The following RGL3 variants were observed in gnomAD, a reference collection of about 807,000 sequenced individuals.
RGL3 encodes the protein ral guanine nucleotide dissociation stimulator-like 3.
RGL3 carries 85 observed loss-of-function variants against 90.6 expected under a neutral mutation model. The observed-to-expected ratio is 0.94, with a 90% CI of 0.79 to 1.12. The LOEUF (loss-of-function observed/expected upper bound fraction) is 1.12, where lower values mean the gene tolerates loss of function less well. Among genes scored for constraint, RGL3 ranks in the 50% most tolerant of loss-of-function variants. RGL3 has a pLI of 0.00. For synonymous variants in RGL3, 408 were observed against 385.5 expected (o/e 1.06, Z -0.68); for missense variants, 1,034 against 939.2 (o/e 1.10, Z -1.32).
At chr19:11,417,106 C>T (rs975657424) in intron 2 of RGL3, 47 bp from the exon 3 acceptor site, 3 of 1,368,166 alleles carry the variant, frequency 2.2e-6, no homozygotes, top group Non-Finnish European at 3.0e-6. Context: ...GTGGTCCTCA[C>T]AGCACCCCTT....
chr19:11,406,985 CTT>C (rs1968795813), intron 5 of RGL3, 121 bp from the exon 6 acceptor site: 1 of 1,019,524 alleles, frequency 9.8e-7, no homozygotes, highest in South Asian at 1.7e-5. Flanking sequence ...GGAGAGCTCT[CTT>C]AAATTTTTTT....
intron 2 of RGL3, among the ~76,000 whole-genome samples, chr19:11,417,836 T>A (rs1969030910): frequency 1.3e-5 from 2 of 151,966 alleles, no homozygotes; most frequent in African/African-American, 2.4e-5. Flanking sequence ...TTTGGTTTGT[T>A]TTTTTTAGAA....
In RGL3 at chr19:11,418,735, CTG is replaced by C. The variant is rs755740236; in HGVS notation, c.81_82del (p.Tyr27Ter). ...ACTGCGCTGCCGCCGCAGGGAGACA[CTG>C]TACACCGCGCCGTCCTCGGTCTCTT... On this transcript the variant is annotated stop_gained and frameshift_variant, in exon 2 of 19. Transcript: ENST00000380456. LOFTEE classifies it high-confidence loss of function. 4.4e-6 allele frequency: 7 copies of C among 1,577,830 alleles called. No homozygotes were observed. In the East Asian group the frequency reaches 1.6e-4, roughly 36 times the overall value.
chr19:11,414,446 C>CAT (rs578086951), intron 5 of RGL3, among the ~76,000 whole-genome samples: 4,598 of 46,842 alleles, frequency 0.098, 251 homozygotes, highest in East Asian at 0.31. Context: ...CATATATATA[C>CAT]ATATATATAT....
At chr19:11,412,891 A>G (rs1028968994) in intron 5 of RGL3, among the ~76,000 whole-genome samples, 6 of 152,080 alleles carry the variant, frequency 3.9e-5, no homozygotes. Context: ...ACTTGAACCC[A>G]GGAGGTGGAG....
intron 16 of RGL3, 48 bp downstream of exon 16, chr19:11,399,807 A>G (rs749538460): frequency 9.4e-7 from 1 of 1,059,364 alleles, no homozygotes; most frequent in Non-Finnish European, 1.4e-6. Flanking sequence ...ACACACACAG[A>G]GCCTGGGTGC....
intron 7 of RGL3, among the ~76,000 whole-genome samples, chr19:11,405,966 G>A (rs544179388): frequency 6.6e-6 from 1 of 150,388 alleles, no homozygotes; most frequent in Non-Finnish European, 1.5e-5. Context: ...AAGGGCTCAA[G>A]CGATCCTCCC....
intron 5 of RGL3, among the ~76,000 whole-genome samples, chr19:11,414,920 T>A (rs553201302): frequency 6.6e-6 from 1 of 151,974 alleles, no homozygotes; most frequent in African/African-American, 2.4e-5. Context: ...GCAGATCACT[T>A]GAGTTCAGGA....
Position 11,397,339 on chromosome 19 carries a change from G to A in RGL3, c.1919C>T (p.Ala640Val). The A allele has an allele frequency of 3.7e-6, 6 of 1,606,340 alleles. No homozygotes were observed. Among genetic ancestry groups the A allele is most frequent in the Non-Finnish European group, 5.1e-6 (6 of 1,176,092 alleles). The change falls in exon 18 of 19, where the codon GCC becomes GTC. Residue 640 changes from alanine (A) to valine (V), a missense_variant. Ala to Val is a moderately conservative substitution (Grantham distance 64, BLOSUM62 0). Coordinates refer to ENST00000380456, the MANE Select transcript of RGL3 (RefSeq NM_001035223.4). ...CAAGGCTCGCCGGACCACGCTGGGG[G>A]CTTTGTCCTGACTGGTCAGCTGGAA... is the stretch of plus-strand genomic sequence containing the variant. ...RSILLTSQDK[A>V]PSVVRRALQK...
Position 11,409,342 on chromosome 19 carries a change from G to A in RGL3, c.638-2478C>T, listed in dbSNP as rs552240230. ...AAAAAATAGAAAAAATTAGCCAGGC[G>A]TGGTGGCGGGCGCCTGTAGTCCCAG... On this transcript the variant is annotated intron_variant, in intron 5 of 18. Transcript: ENST00000380456. Among the ~76,000 whole-genome samples the A allele has an allele frequency of 1.6e-4, 24 of 152,068 alleles. No individual in the cohort carries two copies. The East Asian group carries it at 2.9e-3, about 18-fold the overall frequency.
At chr19:11,396,589 A>G (rs1452896088) in intron 18 of RGL3, among the ~76,000 whole-genome samples, 1 of 147,428 alleles carries the variant, frequency 6.8e-6, no homozygotes, top group Non-Finnish European at 1.5e-5. Context: ...TACAGTTGTG[A>G]GCCACCATGC....
intron 9 of RGL3, 47 bp downstream of exon 9, chr19:11,405,100 C>G: frequency 6.5e-7 from 1 of 1,543,826 alleles, no homozygotes; most frequent in Non-Finnish European, 9.0e-7. Context: ...AAGTCCCTCC[C>G]CCGACTTCCC....
At chr19:11,418,646 G>T (rs1969046253) in intron 2 of RGL3, 25 bp downstream of exon 2, 4 of 1,512,918 alleles carry the variant, frequency 2.6e-6, no homozygotes, top group Non-Finnish European at 2.7e-6. Flanking sequence ...CCGGCCCCGC[G>T]CCACCCACCA....
chr19:11,407,476 G>A (rs2144729593), intron 5 of RGL3, among the ~76,000 whole-genome samples: 1 of 152,132 alleles, frequency 6.6e-6, no homozygotes, highest in South Asian at 2.1e-4. Flanking sequence ...CAGGGCAGGG[G>A]TTTGAAGCCG....
Position 11,416,162 on chromosome 19 carries a change from C to T in RGL3, c.426-14G>A. On this transcript the variant is annotated splice_polypyrimidine_tract_variant and intron_variant, in intron 4 of 18. Coordinates refer to ENST00000380456, the MANE Select transcript of RGL3 (RefSeq NM_001035223.4). Reference sequence around the variant, plus strand: ...GACACCACAGCCCTGGCCAGAGAGGCAGGGTCTCAGAGCTGGGTCCAGAGT... The same window carrying T: ...GACACCACAGCCCTGGCCAGAGAGGTAGGGTCTCAGAGCTGGGTCCAGAGT... 1 of 1,516,818 alleles carries T rather than the reference C, an allele frequency of 6.6e-7. No homozygotes were observed. The highest frequency in any genetic ancestry group is 1.4e-5 in the African/African-American group (1 of 70,684). The allele number at this position is 1,516,818 out of a possible 1,614,324, so 94.0% of individuals were successfully genotyped here.
In RGL3 at chr19:11,402,679, C is replaced by T; in HGVS notation, c.1213G>A (p.Glu405Lys). Residue 405 changes from glutamate (E) to lysine (K), a missense_variant, in exon 10 of 19, where the codon GAG (glutamate) becomes AAG (lysine). Physicochemically the swap from Glu to Lys is moderately conservative, Grantham distance 56. Transcript: ENST00000380456. ...GGCAGGCTGCCTGGGGTGTTGTCCTCTTCTTGGGATCCCTCAGTGGCCTCC... is the reference window on the plus strand; with the variant it reads ...GGCAGGCTGCCTGGGGTGTTGTCCTTTTCTTGGGATCCCTCAGTGGCCTCC... ...QEEATEGSQE[E>K]DNTPGSLPSK... 1 of 1,613,880 alleles carries T rather than the reference C, an allele frequency of 6.2e-7. No individual in the cohort carries two copies. The highest frequency in any genetic ancestry group is 1.3e-5 in the African/African-American group (1 of 75,006).
chr19:11,396,835 T>C (rs1186586497), intron 18 of RGL3, among the ~76,000 whole-genome samples: 4 of 151,498 alleles, frequency 2.6e-5, no homozygotes, highest in Non-Finnish European at 5.9e-5. Context: ...ACCCGACTAA[T>C]TTTTGTATGT....
chr19:11,398,986 A>G (rs887990972), intron 16 of RGL3, among the ~76,000 whole-genome samples: 4 of 151,944 alleles, frequency 2.6e-5, no homozygotes, highest in African/African-American at 9.7e-5. Flanking sequence ...CTTCATAAAC[A>G]GGATCTCGCT....
rs775669383 is a variant in RGL3, at chr19:11,397,332, G to C, written c.1926C>G (p.Ser642Arg). Residue 642 changes from serine to arginine, a missense_variant, in exon 18 of 19, where the codon AGC becomes AGG. Transcript: ENST00000380456. ...GCTTCTGCAAGGCTCGCCGGACCAC[G>C]CTGGGGGCTTTGTCCTGACTGGTCA... is the stretch of plus-strand genomic sequence containing the variant. The part of the protein sequence containing the change: ...ILLTSQDKAP[S>R]VVRRALQKHN... 6.2e-7 allele frequency: 1 copy of C among 1,608,032 alleles called. No homozygotes were observed. The highest frequency in any genetic ancestry group is 1.1e-5 in the South Asian group (1 of 90,022).
Sources: gnomAD v4.1 joint callset for allele counts (sites outside exome capture counted in the v4.1 genomes callset) on GRCh38, gnomAD v4.1.1 for gene constraint, MANE v1.5 for transcripts, NCBI Gene and HGNC (gene_info 2026-07-23, HGNC 2026-07-21) for gene names.